Variants in ULBP2 observed in about 807,000 individuals in gnomAD.
The protein encoded by ULBP2 is UL16 binding protein 2.
Under a neutral mutation model 23.6 loss-of-function variants are expected in ULBP2, and 21 were observed. The ratio of observed to expected loss-of-function variants is 0.89; its 90% confidence interval spans 0.63 to 1.28. ULBP2 has a LOEUF of 1.28. Ranked by LOEUF, ULBP2 falls within the 50% of genes most tolerant of loss-of-function variation. The probability of loss-of-function intolerance (pLI) is 0.00; values close to 1 mark genes in which losing one functional copy is unlikely to be tolerated. For missense variants in ULBP2, 251 were observed against 306.0 expected, an observed-to-expected ratio of 0.82 and a Z score of 1.34; for synonymous variants, 82 against 112.8, an observed-to-expected ratio of 0.73 and a Z score of 1.73.
chr6:149,944,420 C>G (rs1304690491), intron 1 of ULBP2, among the ~76,000 whole-genome samples: 2 of 148,686 alleles, frequency 1.3e-5, no homozygotes, highest in Non-Finnish European at 3.0e-5. Context: ...TTGCTCCTGA[C>G]AGTTGACAGC....
chr6:149,943,135 T>C lies in ULBP2; in HGVS notation c.85+978T>C, dbSNP rs141014319. 7.2e-3 allele frequency among the ~76,000 whole-genome samples: 1,096 copies of C among 152,260 alleles called. 47 individuals carry two copies. The highest frequency in any genetic ancestry group is 0.068 in the Admixed American group (1,047 of 15,304). ...CTCAGTGTCCAGTCCTGTCCCTTTG[T>C]AGAGCAACAGCAGGCAATGGCAACC... On this transcript the variant is annotated intron_variant, in intron 1 of 4. Coordinates refer to ENST00000367351, the MANE Select transcript of ULBP2 (RefSeq NM_025217.4).
In ULBP2 at chr6:149,945,335, A is replaced by G. The variant is rs1327357167; in HGVS notation, c.112A>G (p.Thr38Ala). 2.5e-6 allele frequency: 4 copies of G among 1,611,212 alleles called. No homozygotes were observed. In the African/African-American group the frequency reaches 5.4e-5, roughly 22 times the overall value. The change falls in exon 2 of 5, where the codon ACC becomes GCC. Residue 38 changes from threonine to alanine, a missense_variant. Coordinates refer to ENST00000367351, the MANE Select transcript of ULBP2 (RefSeq NM_025217.4). Reference protein sequence around the residue: ...ADPHSLCYDITVIPKFRPGPR... With the variant: ...ADPHSLCYDIAVIPKFRPGPR... The stretch of plus-strand genomic sequence containing the variant: ...CCCTCACTCTCTTTGCTATGACATC[A>G]CCGTCATCCCTAAGTTCAGACCTGG...
chr6:149,948,772 C>G lies in ULBP2; in HGVS notation c.*72C>G, dbSNP rs1180090367. The G allele has an allele frequency of 2.2e-6, 1 of 456,612 alleles. No homozygotes were observed. The allele number at this position is 456,612 out of a possible 1,614,324, so 28.3% of individuals were successfully genotyped here. A position where few individuals can be genotyped will look rare whatever the true frequency, so the allele number is the denominator to read the frequency against. Reference sequence around the variant, plus strand: ...CTGTGAGCACGGTCTTGATCAAACTCGCCCTTCTGTCTGGCCAGCTGCCCA... The same window carrying G: ...CTGTGAGCACGGTCTTGATCAAACTGGCCCTTCTGTCTGGCCAGCTGCCCA... On this transcript the variant is annotated 3_prime_UTR_variant, in exon 5 of 5. Coordinates refer to ENST00000367351, the MANE Select transcript of ULBP2 (RefSeq NM_025217.4).
rs1169999357 is a variant in ULBP2 at position 149,946,647 on chromosome 6, G to A, written c.625G>A (p.Ala209Thr). The change falls in exon 3 of 5, where the codon GCA becomes ACA. Residue 209 changes from alanine (A) to threonine (T), a missense_variant. Ala to Thr is a moderately conservative substitution (Grantham distance 58). Around this residue, in one of 2 missense-constraint regions of ULBP2, gnomAD observed 248 missense variants for 258.9 expected, o/e 0.96. Transcript: ENST00000367351. ...MGMDSTLEPS[A>T]GAPLAMSSGT... ...CATGGACAGCACCCTGGAGCCAAGT[G>A]CAGGAGGTAACAGGAGAAAAAGAAA... 2 of 1,613,406 alleles carry A rather than the reference G, an allele frequency of 1.2e-6. No homozygotes were observed. Among genetic ancestry groups the A allele is most frequent in the African/African-American group, 2.7e-5 (2 of 74,888 alleles).
rs990424422 is a variant in ULBP2, at chr6:149,945,643, T to A, written c.349+71T>A. 1.9e-6 allele frequency: 3 copies of A among 1,612,624 alleles called. No individual in the cohort carries two copies. In the African/African-American group the frequency reaches 4.0e-5, roughly 22 times the overall value. On this transcript the variant is annotated intron_variant, in intron 2 of 4. Coordinates refer to ENST00000367351, the MANE Select transcript of ULBP2 (RefSeq NM_025217.4). ...AGGTTAGAGGCATTTATAGTTTTCATGTAAAAATACAAAAGGGTCCTGGGC... is the reference window on the plus strand; with the variant it reads ...AGGTTAGAGGCATTTATAGTTTTCAAGTAAAAATACAAAAGGGTCCTGGGC...
At chr6:149,946,322 G>A in intron 2 of ULBP2, 50 bp from the exon 3 acceptor site, 1 of 1,576,352 alleles carries the variant, frequency 6.3e-7, no homozygotes, top group Non-Finnish European at 8.6e-7. Context: ...AACAGGATGG[G>A]GGTGCAAAAT....
intron 1 of ULBP2, 40 bp downstream of exon 1, chr6:149,942,197 G>A (rs17079087): frequency 0.058 from 93,200 of 1,596,034 alleles, 6,290 homozygotes; most frequent in East Asian, 0.33. Context: ...CGGGGACCAA[G>A]CCTGGAGGGC....
intron 2 of ULBP2, among the ~76,000 whole-genome samples, chr6:149,946,084 T>C (rs1431505351): frequency 6.7e-6 from 1 of 148,516 alleles, no homozygotes; most frequent in East Asian, 2.0e-4. Context: ...GTACTAAAAA[T>C]ACAAAAAATT....
chr6:149,944,836 C>A (rs914749643), intron 1 of ULBP2, among the ~76,000 whole-genome samples: 2 of 137,694 alleles, frequency 1.5e-5, no homozygotes, highest in African/African-American at 6.4e-5. Flanking sequence ...ATGTTAAATC[C>A]TGTGGCCATG....
At position 149,949,193 on chromosome 6, in the gene ULBP2, G is replaced by A. The variant is rs1287535725; in HGVS notation, c.*493G>A. On this transcript the variant is annotated 3_prime_UTR_variant, in exon 5 of 5. Coordinates refer to ENST00000367351, the MANE Select transcript of ULBP2 (RefSeq NM_025217.4). ...TGATTGTTTCCTTTAGTAATTTATTGTTCTGTACTGATATTTAAATAAAGA... is the reference window on the plus strand; with the variant it reads ...TGATTGTTTCCTTTAGTAATTTATTATTCTGTACTGATATTTAAATAAAGA... 3.3e-5 allele frequency: 5 copies of A among 153,836 alleles called. No individual in the cohort carries two copies. Among genetic ancestry groups the A allele is most frequent in the African/African-American group, 9.7e-5 (4 of 41,386 alleles). The allele number at this position is 153,836 out of a possible 1,614,324, so 9.5% of individuals were successfully genotyped here.
At chr6:149,948,069 T>G (rs1188464962) in intron 4 of ULBP2, among the ~76,000 whole-genome samples, 1 of 152,190 alleles carries the variant, frequency 6.6e-6, no homozygotes, top group Non-Finnish European at 1.5e-5. Flanking sequence ...GTCAGTCCCA[T>G]GGACATGTGC....
rs1297405476 is a variant in ULBP2, at chr6:149,948,868, TG to T, written c.*169del. ...ATCATGGACCCAATAGCTCATTCAC[TG>T]CCTTGATTCCTTTTGCCAACAATTT... On this transcript the variant is annotated 3_prime_UTR_variant, in exon 5 of 5. Coordinates refer to ENST00000367351, the MANE Select transcript of ULBP2 (RefSeq NM_025217.4). 25 of 415,938 alleles carry T rather than the reference TG, an allele frequency of 6.0e-5. No individual in the cohort carries two copies. Among genetic ancestry groups the T allele is most frequent in the African/African-American group, 4.7e-4 (23 of 48,640 alleles). The allele number at this position is 415,938 out of a possible 1,614,324, so 25.8% of individuals were successfully genotyped here.
intron 3 of ULBP2, 21 bp from the exon 4 acceptor site, chr6:149,947,299 A>G: frequency 7.0e-7 from 1 of 1,426,392 alleles, no homozygotes; most frequent in Middle Eastern, 1.8e-4. Flanking sequence ...AAGGGTTGTC[A>G]CTTTTGTGTT....
chr6:149,942,751 C>T (rs1778882409), intron 1 of ULBP2, among the ~76,000 whole-genome samples: 1 of 152,142 alleles, frequency 6.6e-6, no homozygotes, highest in South Asian at 2.1e-4. Flanking sequence ...CTCTTACTGC[C>T]CACCTCAGCC....
At chr6:149,942,399 C>A (rs935516536) in intron 1 of ULBP2, among the ~76,000 whole-genome samples, 1 of 151,990 alleles carries the variant, frequency 6.6e-6, no homozygotes, top group Non-Finnish European at 1.5e-5. Flanking sequence ...GTGGAGGGGC[C>A]GGAGGGCTGC....
At chr6:149,948,191 G>C (rs1778972394) in intron 4 of ULBP2, among the ~76,000 whole-genome samples, 2 of 152,160 alleles carry the variant, frequency 1.3e-5, no homozygotes, top group African/African-American at 4.8e-5. Flanking sequence ...GAGGAAGGGG[G>C]GTCTGAGCTG....
chr6:149,942,259 A>T (rs1031852615), intron 1 of ULBP2, 102 bp downstream of exon 1: 7 of 1,269,934 alleles, frequency 5.5e-6, no homozygotes, highest in Non-Finnish European at 7.5e-6. Flanking sequence ...AGGACGGGGG[A>T]GATCTCCCCT....
chr6:149,946,767 G>T, intron 3 of ULBP2, 114 bp downstream of exon 3: 1 of 1,538,040 alleles, frequency 6.5e-7, no homozygotes, highest in South Asian at 1.3e-5. Flanking sequence ...ACGTTAAAAT[G>T]ACCTCCTCGT....
rs546740858 is a variant in ULBP2, at chr6:149,942,466, G to T, written c.85+309G>T. ...CAGCCTGGCAGTCCCACCCGCCCTC[G>T]GGAAGGAAAAACCAGAGCCCCCGGA... On this transcript the variant is annotated intron_variant, in intron 1 of 4. Transcript: ENST00000367351. Among the ~76,000 whole-genome samples the T allele has an allele frequency of 2.0e-5, 3 of 152,180 alleles. No individual in the cohort carries two copies. The East Asian group carries it at 5.8e-4, about 29-fold the overall frequency.
Sources: gnomAD v4.1 joint callset for allele counts (sites outside exome capture counted in the v4.1 genomes callset) on GRCh38, gnomAD v4.1.1 for gene constraint, gnomAD v4.1.1 regional missense constraint, MANE v1.5 for transcripts, NCBI Gene and HGNC (gene_info 2026-07-23, HGNC 2026-07-21) for gene names.